The following OPRM1 variants were observed in gnomAD, a reference collection of about 807,000 sequenced individuals.
OPRM1 encodes the protein mu-type opioid receptor.
Under a neutral mutation model 31.8 loss-of-function variants are expected in OPRM1, and 27 were observed. That is an observed-to-expected ratio of 0.85 (90% confidence interval 0.63 to 1.17). The LOEUF (loss-of-function observed/expected upper bound fraction) is 1.17, where lower values mean the gene tolerates loss of function less well. Ranked by LOEUF, OPRM1 falls within the 50% of genes most tolerant of loss-of-function variation. The probability of loss-of-function intolerance (pLI) is 0.00; values close to 1 mark genes in which losing one functional copy is unlikely to be tolerated. For synonymous variants in OPRM1, 196 were observed against 189.9 expected (o/e 1.03, Z -0.26); for missense variants, 536 against 511.1 (o/e 1.05, Z -0.47).
At chr6:154,109,076 A>G (rs1796023894) in intron 3 of OPRM1, 1 of 978,886 alleles carries the variant, frequency 1.0e-6, no homozygotes, top group Non-Finnish European at 1.2e-6. Context: ...AAGAAATGTT[A>G]GCCTCACTCT....
At chr6:154,090,287 T>C (rs1292119568) in intron 2 of OPRM1, 109 bp downstream of exon 2, 2 of 696,142 alleles carry the variant, frequency 2.9e-6, no homozygotes, top group Admixed American at 2.9e-5. Context: ...AGTCACATTG[T>C]AATTTTAATT....
At chr6:154,199,993 C>T (rs762512318) in intron 3 of OPRM1, 47 of 1,613,966 alleles carry the variant, frequency 2.9e-5, no homozygotes, top group Admixed American at 1.5e-4. Flanking sequence ...AGAAAGAATA[C>T]GACGTTCCAC....
intron 3 of OPRM1, among the ~76,000 whole-genome samples, chr6:154,142,673 C>T (rs1347458303): frequency 6.6e-6 from 1 of 152,190 alleles, no homozygotes; most frequent in African/African-American, 2.4e-5. Context: ...TCTTTCATTC[C>T]TGCTCTAAAG....
intron 3 of OPRM1, among the ~76,000 whole-genome samples, chr6:154,241,265 G>A (rs981817565): frequency 2.4e-4 from 36 of 148,064 alleles, no homozygotes; most frequent in Middle Eastern, 3.5e-3. Flanking sequence ...GAGAGAGAGA[G>A]AAACAGATAG....
chr6:154,063,323 A>G (rs556460156), intron 1 of OPRM1, among the ~76,000 whole-genome samples: 2 of 152,100 alleles, frequency 1.3e-5, no homozygotes, highest in South Asian at 4.1e-4. Context: ...TACTTTATTT[A>G]TTATACAGAT....
intron 3 of OPRM1, among the ~76,000 whole-genome samples, chr6:154,230,894 T>A (rs1332905275): frequency 2.0e-5 from 3 of 152,140 alleles, no homozygotes; most frequent in Non-Finnish European, 2.9e-5. Flanking sequence ...GCTAAAAAAA[T>A]TTCTTTGTAA....
chr6:154,202,882 C>G (rs1777184752), intron 3 of OPRM1, among the ~76,000 whole-genome samples: 1 of 152,048 alleles, frequency 6.6e-6, no homozygotes, highest in Admixed American at 6.6e-5. Context: ...ATAGAAGAAA[C>G]ACGAAGACTT....
rs758298492 is a variant in OPRM1, at chr6:154,168,579, C to T, written c.1164+77107C>T. 2.6e-5 allele frequency among the ~76,000 whole-genome samples: 4 copies of T among 151,978 alleles called. No homozygotes were observed. Among genetic ancestry groups the T allele is most frequent in the Non-Finnish European group, 4.4e-5 (3 of 67,996 alleles). ...TATTAGGGGTTAGGACGTCAACATA[C>T]GAATTTTATTAATTAATTAATTAAT... is the stretch of plus-strand genomic sequence containing the variant. On this transcript the variant is annotated intron_variant, in intron 3 of 3. Coordinates refer to the OPRM1 transcript ENST00000337049. This position sits in a 1 kb window ranked among gnomAD's most constrained non-coding sequence, Gnocchi z 4.1.
intron 3 of OPRM1, among the ~76,000 whole-genome samples, chr6:154,176,649 A>G (rs1800358894): frequency 6.6e-6 from 1 of 152,240 alleles, no homozygotes. Context: ...ACTACAAACC[A>G]CTGCTCAATG....
chr6:154,238,688 C>A (rs1280996537), intron 3 of OPRM1, among the ~76,000 whole-genome samples: 2 of 152,046 alleles, frequency 1.3e-5, no homozygotes, highest in South Asian at 2.1e-4. Flanking sequence ...TACTGTATAA[C>A]CTTTTTTATA....
chr6:154,113,737 G>A (rs1170739749), intron 3 of OPRM1, among the ~76,000 whole-genome samples: 1 of 152,210 alleles, frequency 6.6e-6, no homozygotes. Flanking sequence ...CACAGCACAC[G>A]GATGAGGATG....
chr6:154,170,076 T>C (rs1799753670), intron 3 of OPRM1, among the ~76,000 whole-genome samples: 1 of 152,196 alleles, frequency 6.6e-6, no homozygotes, highest in South Asian at 2.1e-4. Flanking sequence ...TTTCCAATCA[T>C]ATGCACCTGG....
intron 3 of OPRM1, among the ~76,000 whole-genome samples, chr6:154,220,983 C>T (rs1778820780): frequency 6.6e-6 from 1 of 152,200 alleles, no homozygotes; most frequent in Admixed American, 6.5e-5. Flanking sequence ...GATGCTGATT[C>T]TCCTTTTAAC....
rs1797500249 is a variant in OPRM1, at chr6:154,124,904, TA to T, written c.*6187del. ...ACCTTTTATCCAAAGAAATTATCTC[TA>T]AAAGCACTCAGACATTTTGTAGAGC... On this transcript the variant is annotated 3_prime_UTR_variant, in exon 4 of 4. Transcript: ENST00000330432. Among the ~76,000 whole-genome samples the T allele has an allele frequency of 6.6e-6, 1 of 152,202 alleles. No individual in the cohort carries two copies. Among genetic ancestry groups the T allele is most frequent in the South Asian group, 2.1e-4 (1 of 4,832 alleles).
At chr6:154,071,793 G>A (rs912273472) in intron 1 of OPRM1, among the ~76,000 whole-genome samples, 2 of 152,190 alleles carry the variant, frequency 1.3e-5, no homozygotes, top group Non-Finnish European at 2.9e-5. Context: ...ACAATAAGAA[G>A]CAGTGGTTAC....
chr6:154,088,224 T>C (rs1287998461), intron 1 of OPRM1, among the ~76,000 whole-genome samples: 1 of 152,116 alleles, frequency 6.6e-6, no homozygotes, highest in Non-Finnish European at 1.5e-5. Context: ...AAAGAGTACA[T>C]ACTGAATGAT....
chr6:154,031,998 G>T (rs771544322), intron 1 of OPRM1, among the ~76,000 whole-genome samples: 1 of 152,188 alleles, frequency 6.6e-6, no homozygotes, highest in Admixed American at 6.5e-5. Context: ...TGATCAGCAA[G>T]GGCACAGTCT....
intron 1 of OPRM1, among the ~76,000 whole-genome samples, chr6:154,015,038 A>T (rs1777928356): frequency 6.6e-6 from 1 of 152,110 alleles, no homozygotes; most frequent in African/African-American, 2.4e-5. Context: ...ACAAAAGTAA[A>T]CTTAAACAAA....
At chr6:154,107,531 C>G (rs677830) in intron 3 of OPRM1, 1 of 718,442 alleles carries the variant, frequency 1.4e-6, no homozygotes, top group Non-Finnish European at 2.6e-6. Context: ...CAATGCAGGG[C>G]AGTCTCCATT....
Sources: gnomAD v4.1 joint callset for allele counts (sites outside exome capture counted in the v4.1 genomes callset) on GRCh38, gnomAD v4.1.1 for gene constraint, Gnocchi (gnomAD v3.1) non-coding constraint, MANE v1.5 for transcripts, NCBI Gene and HGNC (gene_info 2026-07-23, HGNC 2026-07-21) for gene names.